Variants in CHST11 observed in about 807,000 individuals in gnomAD.
CHST11 encodes the protein C4S-1.
In CHST11, 9 loss-of-function variants were observed where a neutral mutation model predicts 30.4. The observed-to-expected ratio is 0.30, with a 90% confidence interval of 0.18 to 0.52. CHST11 has a LOEUF of 0.52. CHST11 is among the 20% of genes least tolerant of loss of function. The pLI, the probability that CHST11 is intolerant of heterozygous loss-of-function variation, is 0.97. For missense variants in CHST11, 348 were observed against 460.6 expected (o/e 0.76, Z 2.24); for synonymous variants, 152 against 187.8 (o/e 0.81, Z 1.56).
chr12:104,744,701 C>A (rs906373102), intron 2 of CHST11, among the ~76,000 whole-genome samples: 1 of 152,082 alleles, frequency 6.6e-6, no homozygotes, highest in Non-Finnish European at 1.5e-5. Flanking sequence ...TGAGTGGGAT[C>A]GCCTAGGTTG....
At chr12:104,633,588 T>C (rs532212479) in intron 2 of CHST11, among the ~76,000 whole-genome samples, 1 of 152,124 alleles carries the variant, frequency 6.6e-6, no homozygotes, top group Non-Finnish European at 1.5e-5. Flanking sequence ...CTCATTTTTT[T>C]GTATTTTTAG....
intron 1 of CHST11, among the ~76,000 whole-genome samples, chr12:104,547,371 A>G (rs900255921): frequency 1.3e-5 from 2 of 152,182 alleles, no homozygotes; most frequent in African/African-American, 4.8e-5. Context: ...AGGAGCCGCA[A>G]GATTTTCCGT....
chr12:104,743,338 AC>A (rs1215640062), intron 2 of CHST11, among the ~76,000 whole-genome samples: 1 of 152,108 alleles, frequency 6.6e-6, no homozygotes, highest in Admixed American at 6.5e-5. Flanking sequence ...TCCTAACTGC[AC>A]CCAGGGACTC....
intron 1 of CHST11, among the ~76,000 whole-genome samples, chr12:104,514,638 C>T (rs959363375): frequency 2.0e-5 from 3 of 152,142 alleles, no homozygotes; most frequent in African/African-American, 4.8e-5. Flanking sequence ...GAAGCTTCCA[C>T]TCAGGATTGA....
At chr12:104,668,659 T>TC (rs2039663069) in intron 2 of CHST11, among the ~76,000 whole-genome samples, 1 of 152,132 alleles carries the variant, frequency 6.6e-6, no homozygotes, top group African/African-American at 2.4e-5. Context: ...ACGTTTATTA[T>TC]CCCCCCGGGT....
In CHST11 at chr12:104,457,301, G is replaced by A. The variant is rs2037360123; in HGVS notation, c.-111G>A. The A allele has an allele frequency of 1.4e-6, 1 of 700,342 alleles. No homozygotes were observed. The highest frequency in any genetic ancestry group is 2.5e-6 in the Non-Finnish European group (1 of 405,258). The allele number at this position is 700,342 out of a possible 1,614,324, so 43.4% of individuals were successfully genotyped here. A position where few individuals can be genotyped will look rare whatever the true frequency, so the allele number is the denominator to read the frequency against. On this transcript the variant is annotated 5_prime_UTR_variant, in exon 1 of 3. Coordinates refer to ENST00000303694, the MANE Select transcript of CHST11 (RefSeq NM_018413.6). ...GACTCCGATCCTCCCTCTGAGCCTTGCTCAGCTCTGCCCCGCGCCTCCCGG... is the reference window on the plus strand; with the variant it reads ...GACTCCGATCCTCCCTCTGAGCCTTACTCAGCTCTGCCCCGCGCCTCCCGG...
intron 1 of CHST11, among the ~76,000 whole-genome samples, chr12:104,519,687 T>G (rs569566138): frequency 1.3e-5 from 2 of 152,314 alleles, no homozygotes; most frequent in Non-Finnish European, 2.9e-5. Context: ...GGATAATTAC[T>G]GGTTGAGGCT....
intron 1 of CHST11, among the ~76,000 whole-genome samples, chr12:104,528,194 C>T (rs897556733): frequency 1.3e-5 from 2 of 152,192 alleles, no homozygotes; most frequent in East Asian, 1.9e-4. Context: ...TTACTGAGCA[C>T]GTTCTATACA....
intron 1 of CHST11, among the ~76,000 whole-genome samples, chr12:104,550,437 A>G (rs936414874): frequency 6.6e-6 from 1 of 152,172 alleles, no homozygotes; most frequent in Non-Finnish European, 1.5e-5. Context: ...GTTTTTAAAG[A>G]GCCAAGCAGT....
intron 2 of CHST11, among the ~76,000 whole-genome samples, chr12:104,680,601 CT>C (rs2039786043): frequency 6.6e-6 from 1 of 152,198 alleles, no homozygotes; most frequent in East Asian, 1.9e-4. Context: ...TTTATTTCTG[CT>C]TATTGGGTCA....
intron 2 of CHST11, among the ~76,000 whole-genome samples, chr12:104,611,527 C>T (rs764095172): frequency 2.0e-5 from 3 of 152,192 alleles, no homozygotes; most frequent in Admixed American, 6.5e-5. Flanking sequence ...TGTCCAGTAG[C>T]TACTATGGGC....
intron 2 of CHST11, among the ~76,000 whole-genome samples, chr12:104,753,733 G>C (rs2040453240): frequency 6.6e-6 from 1 of 152,210 alleles, no homozygotes; most frequent in Non-Finnish European, 1.5e-5. Context: ...CATTAAAGGT[G>C]GCCAAGACCC....
intron 1 of CHST11, among the ~76,000 whole-genome samples, chr12:104,509,577 A>G (rs2037942908): frequency 6.6e-6 from 1 of 152,184 alleles, no homozygotes; most frequent in Non-Finnish European, 1.5e-5. Flanking sequence ...CCTGTTGAAC[A>G]TTGATAGAGG....
chr12:104,475,688 A>ATATATATATAT (rs1555226434), intron 1 of CHST11, among the ~76,000 whole-genome samples: 1 of 78,456 alleles, frequency 1.3e-5, no homozygotes, highest in South Asian at 4.3e-4. Context: ...ATATATATAT[A>ATATATATATAT]TATTTCTGAT....
intron 1 of CHST11, among the ~76,000 whole-genome samples, chr12:104,513,125 G>GGGCT (rs1555229093): frequency 4.7e-5 from 3 of 63,530 alleles, no homozygotes; most frequent in Non-Finnish European, 9.8e-5. Context: ...GTCATGACTG[G>GGGCT]GGGGGGGGGG....
At chr12:104,565,138 G>A (rs2038549517) in intron 1 of CHST11, among the ~76,000 whole-genome samples, 1 of 152,022 alleles carries the variant, frequency 6.6e-6, no homozygotes, top group Non-Finnish European at 1.5e-5. Flanking sequence ...CAGTGGTGGG[G>A]ACTCAAGGGC....
intron 1 of CHST11, among the ~76,000 whole-genome samples, chr12:104,522,638 T>A (rs1475697228): frequency 1.3e-5 from 2 of 152,192 alleles, no homozygotes; most frequent in Non-Finnish European, 2.9e-5. Flanking sequence ...TCTATTTTTT[T>A]TCAATATTTT....
chr12:104,635,899 C>G (rs1277324382), intron 2 of CHST11, among the ~76,000 whole-genome samples: 1 of 152,190 alleles, frequency 6.6e-6, no homozygotes, highest in Non-Finnish European at 1.5e-5. Context: ...AGCTCCCAGG[C>G]CAACACACAA....
At chr12:104,595,632 G>A (rs141749510) in intron 1 of CHST11, among the ~76,000 whole-genome samples, 298 of 152,290 alleles carry the variant, frequency 2.0e-3, no homozygotes, top group Admixed American at 3.4e-3. Flanking sequence ...TCTTAGTTTG[G>A]TGGCAGAGCC....
Sources: allele counts gnomAD v4.1 joint callset (sites outside exome capture counted in the v4.1 genomes callset), GRCh38; gene constraint gnomAD v4.1.1; transcripts MANE v1.5; gene names NCBI Gene and HGNC (gene_info 2026-07-23, HGNC 2026-07-21).